Variants in GALNT2 observed in about 807,000 individuals in gnomAD.
GALNT2 encodes the protein polypeptide N-acetylgalactosaminyltransferase 2, also known as UDP-GalNAc:polypeptide N-acetylgalactosaminyltransferase 2.
In GALNT2, 31 loss-of-function variants were observed where a neutral mutation model predicts 81.4. The observed-to-expected ratio is 0.38, with a 90% CI of 0.29 to 0.51. The LOEUF is 0.51. Among genes scored for constraint, GALNT2 ranks in the 20% least tolerant of loss-of-function variants. The pLI is 0.87. For missense variants in GALNT2, 629 were observed against 765.7 expected (o/e 0.82, Z 2.11); for synonymous variants, 303 against 287.4 (o/e 1.05, Z -0.55).
At position 230,081,273 on chromosome 1, in the gene GALNT2, C is replaced by T. The variant is rs577789415; in HGVS notation, c.126+13867C>T. The stretch of plus-strand genomic sequence containing the variant: ...AGCTGGTGTGAGGACCGAGTGGCCC[C>T]TGGGGTTCTGCAGGTAGCTTCAGGC... On this transcript the variant is annotated intron_variant, in intron 1 of 15. Transcript: ENST00000366672. Among the ~76,000 whole-genome samples, 149 of 152,266 alleles carry T rather than the reference C, an allele frequency of 9.8e-4. 2 individuals are homozygous for T. Among genetic ancestry groups the T allele is most frequent in the African/African-American group, 3.3e-3 (138 of 41,568 alleles).
chr1:230,225,675 T>G (rs1423564523), intron 3 of GALNT2, among the ~76,000 whole-genome samples: 1 of 121,624 alleles, frequency 8.2e-6, no homozygotes, highest in East Asian at 2.1e-4. Flanking sequence ...GGAGGCAGAG[T>G]TTTTTTGTTT....
At chr1:230,143,835 A>G (rs4846905) in intron 1 of GALNT2, among the ~76,000 whole-genome samples, 126,117 of 152,216 alleles carry the variant, frequency 0.83, 52,369 homozygotes, top group African/African-American at 0.88. Context: ...CTGCTCAGCG[A>G]TCACCAGCTC....
At chr1:230,142,368 G>C (rs984603971) in intron 1 of GALNT2, among the ~76,000 whole-genome samples, 2 of 152,184 alleles carry the variant, frequency 1.3e-5, no homozygotes, top group Admixed American at 1.3e-4. Flanking sequence ...CAAGTAGTCT[G>C]TGTAGGGGGA....
intron 1 of GALNT2, among the ~76,000 whole-genome samples, chr1:230,170,606 G>T (rs964240155): frequency 6.6e-6 from 1 of 152,120 alleles, no homozygotes; most frequent in African/African-American, 2.4e-5. Flanking sequence ...CCTGAGACTG[G>T]GTAATTTAGA....
intron 3 of GALNT2, among the ~76,000 whole-genome samples, chr1:230,225,674 G>GTTTTTTTTTTTTTTTTTTTTTT (rs199933306): frequency 7.1e-6 from 1 of 141,122 alleles, no homozygotes. Context: ...AGGAGGCAGA[G>GTTTTTTTTTTTTTTTTTTTTTT]TTTTTTTGTT....
chr1:230,209,644 C>T (rs189659155), intron 3 of GALNT2, among the ~76,000 whole-genome samples: 36 of 152,266 alleles, frequency 2.4e-4, no homozygotes, highest in African/African-American at 8.7e-4. Context: ...GAGTTTGAGA[C>T]CAGCCTGGGC....
At chr1:230,253,811 G>GA (rs1303561248) in intron 10 of GALNT2, among the ~76,000 whole-genome samples, 2 of 152,006 alleles carry the variant, frequency 1.3e-5, no homozygotes, top group East Asian at 3.9e-4. Flanking sequence ...TTGTATCCTT[G>GA]AAAAAATCCC....
At position 230,102,239 on chromosome 1, in the gene GALNT2, T is replaced by C. The variant is rs78074156; in HGVS notation, c.126+34833T>C. On this transcript the variant is annotated intron_variant, in intron 1 of 15. Transcript: ENST00000366672. ...AGACGAAGCCCCAGGAGGGCAGGTATGTCTTGTTCACTGCAGTCTCCAGTG... is the reference window on the plus strand; with the variant it reads ...AGACGAAGCCCCAGGAGGGCAGGTACGTCTTGTTCACTGCAGTCTCCAGTG... Among the ~76,000 whole-genome samples the C allele has an allele frequency of 7.5e-3, 1,135 of 152,320 alleles. 21 individuals are homozygous for C. Among genetic ancestry groups the C allele is most frequent in the African/African-American group, 0.025 (1,020 of 41,576 alleles).
At chr1:230,079,056 A>G (rs773517338) in intron 1 of GALNT2, among the ~76,000 whole-genome samples, 1 of 152,196 alleles carries the variant, frequency 6.6e-6, no homozygotes, top group Non-Finnish European at 1.5e-5. Flanking sequence ...TTTTTCACTC[A>G]TGCTAGGCAG....
In GALNT2 at chr1:230,070,914, T is replaced by C. The variant is rs1659351241; in HGVS notation, c.126+3508T>C. Among the ~76,000 whole-genome samples the C allele has an allele frequency of 6.6e-6, 1 of 152,196 alleles. No individual in the cohort carries two copies. The highest frequency in any genetic ancestry group is 6.5e-5 in the Admixed American group (1 of 15,278). On this transcript the variant is annotated intron_variant, in intron 1 of 15. Transcript: ENST00000366672. This position sits in a 1 kb window ranked among gnomAD's most constrained non-coding sequence, Gnocchi z 4.7. ...AATGGCACAAATCCACTTATTGGCA[T>C]TGAGTGAGACCTAGCTGTTTACCTC...
At chr1:230,236,312 C>G (rs1182742777) in intron 4 of GALNT2, 41 bp from the exon 5 acceptor site, 1 of 1,584,168 alleles carries the variant, frequency 6.3e-7, no homozygotes, top group Non-Finnish European at 8.7e-7. Context: ...AGTTTATACC[C>G]CTAAAAGACC....
At chr1:230,270,293 T>G (rs1666134318) in intron 14 of GALNT2, among the ~76,000 whole-genome samples, 1 of 152,170 alleles carries the variant, frequency 6.6e-6, no homozygotes, top group East Asian at 1.9e-4. Context: ...CAATGTGATG[T>G]GAGATGGCAG....
At position 230,275,446 on chromosome 1, in the gene GALNT2, C is replaced by T. The variant is rs557966545; in HGVS notation, c.1560+882C>T. Among the ~76,000 whole-genome samples the T allele has an allele frequency of 1.7e-4, 26 of 150,526 alleles. No individual in the cohort carries two copies. Among genetic ancestry groups the T allele is most frequent in the South Asian group, 4.2e-4 (2 of 4,782 alleles). On this transcript the variant is annotated intron_variant, in intron 15 of 15. Coordinates refer to ENST00000366672, the MANE Select transcript of GALNT2 (RefSeq NM_004481.5). This position sits in a 1 kb window ranked among gnomAD's most constrained non-coding sequence, Gnocchi z 5.5. The stretch of plus-strand genomic sequence containing the variant: ...TATATACACACCACATATATATACA[C>T]GCCACATATATACATATATACAAAC...
At chr1:230,245,579 T>TA (rs1165386717) in intron 7 of GALNT2, among the ~76,000 whole-genome samples, 1 of 152,196 alleles carries the variant, frequency 6.6e-6, no homozygotes, top group Admixed American at 6.5e-5. Context: ...TATTGATACT[T>TA]ACCACATCTC....
intron 1 of GALNT2, among the ~76,000 whole-genome samples, chr1:230,060,718 T>C (rs1277383570): frequency 6.6e-6 from 1 of 152,202 alleles, no homozygotes; most frequent in Non-Finnish European, 1.5e-5. Context: ...GGTGATCCAC[T>C]CTTCCCTGAA....
In GALNT2 at chr1:230,193,344, G is replaced by A. The variant is rs928375948; in HGVS notation, c.221-9793G>A. Among the ~76,000 whole-genome samples, 2 of 152,174 alleles carry A rather than the reference G, an allele frequency of 1.3e-5. No homozygotes were observed. Among genetic ancestry groups the A allele is most frequent in the African/African-American group, 4.8e-5 (2 of 41,450 alleles). The stretch of plus-strand genomic sequence containing the variant: ...ATACCTCCCCTCCCCTTGTACACCT[G>A]CGGGTGGTAGATGACAGCTCTTTGC... On this transcript the variant is annotated intron_variant, in intron 2 of 15. Coordinates refer to ENST00000366672, the MANE Select transcript of GALNT2 (RefSeq NM_004481.5). The surrounding 1 kb of genome is among the most constrained non-coding windows in gnomAD (Gnocchi z 4.3).
intron 6 of GALNT2, among the ~76,000 whole-genome samples, chr1:230,238,439 T>C (rs1330068193): frequency 6.6e-6 from 1 of 152,214 alleles, no homozygotes; most frequent in African/African-American, 2.4e-5. Context: ...TTTTAAAAGC[T>C]GCTAAAATGA....
intron 1 of GALNT2, among the ~76,000 whole-genome samples, chr1:230,175,703 T>G (rs942755566): frequency 1.4e-5 from 2 of 141,790 alleles, no homozygotes; most frequent in African/African-American, 5.3e-5. Flanking sequence ...CCTCTTCCCC[T>G]TCCCCATTTT....
intron 10 of GALNT2, among the ~76,000 whole-genome samples, chr1:230,253,628 C>T (rs1338513502): frequency 2.6e-5 from 4 of 152,170 alleles, no homozygotes; most frequent in Non-Finnish European, 2.9e-5. Flanking sequence ...GTATGGTGAT[C>T]AGATCAAGGA....
Sources: gnomAD v4.1 joint callset for allele counts (sites outside exome capture counted in the v4.1 genomes callset) on GRCh38, gnomAD v4.1.1 for gene constraint, Gnocchi (gnomAD v3.1) non-coding constraint, MANE v1.5 for transcripts, NCBI Gene and HGNC (gene_info 2026-07-23, HGNC 2026-07-21) for gene names.